Variants in TRPM7 observed in about 807,000 individuals in gnomAD.
TRPM7 encodes the protein transient receptor potential cation channel subfamily M member 7, also known as LTRPC ion channel family member 7.
In TRPM7, 134 loss-of-function variants were observed where a neutral mutation model predicts 229.7. The ratio of observed to expected loss-of-function variants is 0.58; its 90% CI spans 0.51 to 0.67. The LOEUF (loss-of-function observed/expected upper bound fraction) is 0.67. Among genes scored for constraint, TRPM7 ranks in the 30% least tolerant of loss-of-function variants. The pLI is 0.00. For synonymous variants in TRPM7, 699 were observed against 715.2 expected, an observed-to-expected ratio of 0.98 and a Z score of 0.36; for missense variants, 1,901 against 2,210.0, an observed-to-expected ratio of 0.86 and a Z score of 2.80.
intron 27 of TRPM7, among the ~76,000 whole-genome samples, chr15:50,586,946 G>T (rs917434772): frequency 2.0e-5 from 3 of 152,138 alleles, no homozygotes; most frequent in Admixed American, 2.0e-4. Context: ...AACCCGGGAG[G>T]CGTAGGGTGC....
In TRPM7 at chr15:50,644,646, C is replaced by CA. The variant is rs1170387008; in HGVS notation, c.322-1094dup. 2.6e-5 allele frequency among the ~76,000 whole-genome samples: 4 copies of CA among 151,816 alleles called. No individual in the cohort carries two copies. In the East Asian group the frequency reaches 7.8e-4, roughly 30 times the overall value. ...GGTGAAACCCCGTCTCTACTAAATA[C>CA]AAAAAAATTAGCTAGGCGTGAGTGC... On this transcript the variant is annotated intron_variant, in intron 4 of 38. Coordinates refer to ENST00000646667, the MANE Select transcript of TRPM7 (RefSeq NM_017672.6).
chr15:50,599,971 C>T (rs2059732036), intron 21 of TRPM7, among the ~76,000 whole-genome samples: 1 of 152,138 alleles, frequency 6.6e-6, no homozygotes, highest in African/African-American at 2.4e-5. Context: ...CCTAGTAATT[C>T]ATTGAAAAAT....
chr15:50,631,400 A>T lies in TRPM7; in HGVS notation c.1204+17T>A, dbSNP rs770614668. The T allele has an allele frequency of 1.3e-6, 2 of 1,560,074 alleles. No individual in the cohort carries two copies. Among genetic ancestry groups the T allele is most frequent in the Non-Finnish European group, 1.8e-6 (2 of 1,137,850 alleles). On this transcript the variant is annotated intron_variant, in intron 10 of 38. Transcript: ENST00000646667. ...AAATAAAAGGTCTTACAAATAAAAA[A>T]GTTCTTAGAGGCTTACCTTTTAGCA...
intron 3 of TRPM7, among the ~76,000 whole-genome samples, chr15:50,657,115 G>C (rs1175843870): frequency 6.6e-6 from 1 of 152,142 alleles, no homozygotes; most frequent in African/African-American, 2.4e-5. Context: ...CCTGAGGTCA[G>C]GAATTCAAGA....
intron 1 of TRPM7, among the ~76,000 whole-genome samples, chr15:50,668,917 C>A (rs188695542): frequency 6.6e-6 from 1 of 152,290 alleles, no homozygotes; most frequent in Admixed American, 6.5e-5. Context: ...GATGTGCTCT[C>A]CTTAAAGGAA....
chr15:50,635,527 G>A lies in TRPM7; in HGVS notation c.833-971C>T, dbSNP rs180842722. 6.4e-4 allele frequency among the ~76,000 whole-genome samples: 97 copies of A among 151,108 alleles called. No homozygotes were observed. The Middle Eastern group carries it at 0.014, about 21-fold the overall frequency. Reference sequence around the variant, plus strand: ...AAATACAAAAAAGTAGCCGGGCATGGTGGCATGCGCCTGCAGTCCCAGCTA... The same window carrying A: ...AAATACAAAAAAGTAGCCGGGCATGATGGCATGCGCCTGCAGTCCCAGCTA... On this transcript the variant is annotated intron_variant, in intron 7 of 38. Coordinates refer to ENST00000646667, the MANE Select transcript of TRPM7 (RefSeq NM_017672.6).
At chr15:50,562,007 A>T (rs2053337917) in intron 38 of TRPM7, among the ~76,000 whole-genome samples, 199 bp from the exon 39 acceptor site, 1 of 151,946 alleles carries the variant, frequency 6.6e-6, no homozygotes, top group Non-Finnish European at 1.5e-5. Flanking sequence ...CGATTCTCCT[A>T]CCTCAGCCTC....
rs1596034026 is a variant in TRPM7, at chr15:50,561,352, G to A, written c.*326C>T. 3 of 197,722 alleles carry A rather than the reference G, an allele frequency of 1.5e-5. No individual in the cohort carries two copies. The highest frequency in any genetic ancestry group is 2.0e-5 in the Non-Finnish European group (2 of 98,178). 12.2% of individuals were successfully genotyped at this position (197,722 alleles called of 1,614,324 possible). A position where few individuals can be genotyped will look rare whatever the true frequency, so the allele number is the denominator to read the frequency against. ...GCATGGACACCTACCTTTGGTTAAT[G>A]GTATTGTACCACATAAGAGAGAGCA... On this transcript the variant is annotated 3_prime_UTR_variant, in exon 39 of 39. Coordinates refer to ENST00000646667, the MANE Select transcript of TRPM7 (RefSeq NM_017672.6).
chr15:50,579,353 G>C (rs946558359), intron 30 of TRPM7, among the ~76,000 whole-genome samples: 3 of 152,242 alleles, frequency 2.0e-5, no homozygotes, highest in South Asian at 2.1e-4. Flanking sequence ...CTTGGGAGTA[G>C]ATAACCTGTC....
chr15:50,630,992 C>T (rs563517169), intron 10 of TRPM7, among the ~76,000 whole-genome samples: 3 of 152,232 alleles, frequency 2.0e-5, no homozygotes, highest in African/African-American at 7.2e-5. Flanking sequence ...GCCACCATGC[C>T]CAGGTAATTT....
rs1282896283 is a variant in TRPM7, at chr15:50,557,318, C to A, written c.*4360G>T. The stretch of plus-strand genomic sequence containing the variant: ...TTTTTTTCTTACAGTATGCCCATCA[C>A]AAACCAGGCAGCAAGCAAGGTATTG... On this transcript the variant is annotated 3_prime_UTR_variant, in exon 39 of 39. Transcript: ENST00000646667. The A allele has an allele frequency of 6.6e-6, 1 of 152,042 alleles. No homozygotes were observed. The highest frequency in any genetic ancestry group is 2.4e-5 in the African/African-American group (1 of 41,418). The allele number at this position is 152,042 out of a possible 1,614,324, so 9.4% of individuals were successfully genotyped here. A position where few individuals can be genotyped will look rare whatever the true frequency, so the allele number is the denominator to read the frequency against.
At chr15:50,627,194 C>G (rs2140612235) in intron 11 of TRPM7, among the ~76,000 whole-genome samples, 1 of 152,182 alleles carries the variant, frequency 6.6e-6, no homozygotes, top group African/African-American at 2.4e-5. Context: ...AATATTCTTG[C>G]CCTCAGAAAG....
chr15:50,576,467 T>C (rs906709548), intron 31 of TRPM7, among the ~76,000 whole-genome samples: 2 of 152,218 alleles, frequency 1.3e-5, no homozygotes, highest in African/African-American at 4.8e-5. Flanking sequence ...AAAAGGAAGT[T>C]AGCCAACAGT....
At chr15:50,602,211 G>C (rs1219986951) in intron 21 of TRPM7, among the ~76,000 whole-genome samples, 2 of 152,070 alleles carry the variant, frequency 1.3e-5, no homozygotes, top group South Asian at 2.1e-4. Flanking sequence ...CCATAAAAAA[G>C]GATGAGTTCA....
At chr15:50,684,533 C>G (rs569839131) in intron 1 of TRPM7, among the ~76,000 whole-genome samples, 1 of 151,864 alleles carries the variant, frequency 6.6e-6, no homozygotes, top group South Asian at 2.1e-4. Flanking sequence ...CCCAGCTACT[C>G]GGGAGGCTGA....
intron 38 of TRPM7, among the ~76,000 whole-genome samples, chr15:50,563,735 G>A (rs959410366): frequency 2.0e-5 from 3 of 152,150 alleles, no homozygotes; most frequent in Admixed American, 6.6e-5. Flanking sequence ...CCCGACCCTC[G>A]GCCCACAGGC....
intron 22 of TRPM7, among the ~76,000 whole-genome samples, 196 bp downstream of exon 22, chr15:50,598,926 T>G (rs1377904101): frequency 6.6e-6 from 1 of 152,226 alleles, no homozygotes; most frequent in East Asian, 1.9e-4. Context: ...TTCTAATACC[T>G]GCCACTAAAA....
chr15:50,634,670 A>T (rs2060836417), intron 7 of TRPM7, 114 bp from the exon 8 acceptor site: 1 of 769,312 alleles, frequency 1.3e-6, no homozygotes, highest in African/African-American at 1.8e-5. Flanking sequence ...CTGAAAAAAA[A>T]TTAAAAAGTA....
intron 30 of TRPM7, among the ~76,000 whole-genome samples, 175 bp from the exon 31 acceptor site, chr15:50,578,839 GAT>G (rs1221756137): frequency 4.7e-5 from 7 of 149,498 alleles, no homozygotes; most frequent in Non-Finnish European, 8.9e-5. Flanking sequence ...TCCATATATA[GAT>G]ATATATATCT....
Sources: allele counts gnomAD v4.1 joint callset (sites outside exome capture counted in the v4.1 genomes callset), GRCh38; gene constraint gnomAD v4.1.1; transcripts MANE v1.5; gene names NCBI Gene and HGNC (gene_info 2026-07-23, HGNC 2026-07-21).